TCP10L: variants seen among roughly 807,000 people sequenced by gnomAD.
TCP10L encodes t-complex 10 like.
Under a neutral mutation model 19.2 loss-of-function variants are expected in TCP10L, and 11 were observed. The ratio of observed to expected loss-of-function variants is 0.57; its 90% CI spans 0.36 to 0.95. The LOEUF is 0.95. Among genes scored for constraint, TCP10L ranks in the 40% least tolerant of loss-of-function variants. The probability of loss-of-function intolerance (pLI) is 0.01; values close to 1 mark genes in which losing one functional copy is unlikely to be tolerated. For missense variants in TCP10L, 247 were observed against 263.9 expected, an observed-to-expected ratio of 0.94 and a Z score of 0.44; for synonymous variants, 96 against 97.2, an observed-to-expected ratio of 0.99 and a Z score of 0.07.
intron 3 of TCP10L, among the ~76,000 whole-genome samples, chr21:32,580,475 C>CGTGTGTGT (rs1469541940): frequency 2.6e-5 from 2 of 77,844 alleles, no homozygotes; most frequent in African/African-American, 1.4e-4. Flanking sequence ...TCGGTGGGTG[C>CGTGTGTGT]CTGTGTGTGT....
Position 32,582,148 on chromosome 21 carries a change from G to C in TCP10L, c.360+52C>G. On this transcript the variant is annotated intron_variant, in intron 3 of 4. Coordinates refer to ENST00000300258, the MANE Select transcript of TCP10L (RefSeq NM_144659.7). The surrounding 1 kb of genome is among the most constrained non-coding windows in gnomAD (Gnocchi z 4.2). ...ATAAAGCCCACATCTTTATGGGGAC[G>C]CTATTTTTACATAACGCAAACGGTA... 1 of 1,588,244 alleles carries C rather than the reference G, an allele frequency of 6.3e-7. No homozygotes were observed.
chr21:32,583,024 C>CTTTTT lies in TCP10L; in HGVS notation c.145-614_145-610dup, dbSNP rs59972145. Reference sequence around the variant, plus strand: ...GCAAAAAGAGGCTGGCATTCTTTTCCTTTTTTTTTTTTTTTTTTTTTTTTT... The same window carrying CTTTTT: ...GCAAAAAGAGGCTGGCATTCTTTTCCTTTTTTTTTTTTTTTTTTTTTTTTTTTTTT... On this transcript the variant is annotated intron_variant, in intron 2 of 4. Transcript: ENST00000300258. Among the ~76,000 whole-genome samples, 30 of 94,808 alleles carry CTTTTT rather than the reference C, an allele frequency of 3.2e-4. 1 individual carries two copies. The highest frequency in any genetic ancestry group is 1.1e-3 in the South Asian group (3 of 2,778). 62.2% of individuals were successfully genotyped at this position (94,808 alleles called of 152,430 possible). A position where few individuals can be genotyped will look rare whatever the true frequency, so the allele number is the denominator to read the frequency against.
At chr21:32,584,627 A>G (rs1192371851) in intron 1 of TCP10L, among the ~76,000 whole-genome samples, 1 of 151,924 alleles carries the variant, frequency 6.6e-6, no homozygotes, top group African/African-American at 2.4e-5. Flanking sequence ...TGTGAGTGGG[A>G]TGTGAGTGGG....
Position 32,576,559 on chromosome 21 carries a change from C to G in TCP10L, c.*215G>C, listed in dbSNP as rs1007016204. 1.6e-6 allele frequency: 1 copy of G among 623,612 alleles called. No individual in the cohort carries two copies. The highest frequency in any genetic ancestry group is 2.7e-6 in the Non-Finnish European group (1 of 369,244). The allele number at this position is 623,612 out of a possible 1,614,324, so 38.6% of individuals were successfully genotyped here. A position where few individuals can be genotyped will look rare whatever the true frequency, so the allele number is the denominator to read the frequency against. ...AGGAAAGCAACTGATTTATAAAACC[C>G]AATCCAAGTTGTTTGCTTTTATAGC... is the stretch of plus-strand genomic sequence containing the variant. On this transcript the variant is annotated 3_prime_UTR_variant, in exon 5 of 5. Transcript: ENST00000300258.
chr21:32,584,677 C>T (rs1373668061), intron 1 of TCP10L, among the ~76,000 whole-genome samples: 34 of 151,798 alleles, frequency 2.2e-4, no homozygotes, highest in South Asian at 2.1e-4. Context: ...TGGATGTGAG[C>T]GGATGTGAGC....
rs1255493536 is a variant in TCP10L at position 32,574,947 on chromosome 21, C to T, written c.*1827G>A. On this transcript the variant is annotated 3_prime_UTR_variant, in exon 5 of 5. Coordinates refer to ENST00000300258, the MANE Select transcript of TCP10L (RefSeq NM_144659.7). ...ACGGATGGAAAGGCACTGTCTTGGC[C>T]CTGAAGCTGCTCACAGTCCCGCAGC... 6.6e-6 allele frequency: 1 copy of T among 152,144 alleles called. No homozygotes were observed. Among genetic ancestry groups the T allele is most frequent in the African/African-American group, 2.4e-5 (1 of 41,412 alleles). 9.4% of individuals were successfully genotyped at this position (152,144 alleles called of 1,614,324 possible). A position where few individuals can be genotyped will look rare whatever the true frequency, so the allele number is the denominator to read the frequency against.
intron 2 of TCP10L, among the ~76,000 whole-genome samples, chr21:32,583,465 T>A (rs1486146527): frequency 6.7e-6 from 1 of 150,288 alleles, no homozygotes; most frequent in Non-Finnish European, 1.5e-5. Flanking sequence ...GGCGGGCGCC[T>A]GTAGTCCCAG....
At position 32,576,603 on chromosome 21, in the gene TCP10L, G is replaced by A; in HGVS notation, c.*171C>T. 1 of 743,506 alleles carries A rather than the reference G, an allele frequency of 1.3e-6. No homozygotes were observed. The highest frequency in any genetic ancestry group is 2.1e-6 in the Non-Finnish European group (1 of 465,412). The allele number at this position is 743,506 out of a possible 1,614,324, so 46.1% of individuals were successfully genotyped here. On this transcript the variant is annotated 3_prime_UTR_variant, in exon 5 of 5. Transcript: ENST00000300258. ...TTATAGCATTAGAGACATGTCTGAA[G>A]AACTTCAAGTTTTTATCTATAGAAA...
chr21:32,574,922 A>C lies in TCP10L; in HGVS notation c.*1852T>G, dbSNP rs2146520621. 6.6e-6 allele frequency: 1 copy of C among 152,390 alleles called. No individual in the cohort carries two copies. The highest frequency in any genetic ancestry group is 1.9e-4 in the East Asian group (1 of 5,186). 9.4% of individuals were successfully genotyped at this position (152,390 alleles called of 1,614,324 possible). A position where few individuals can be genotyped will look rare whatever the true frequency, so the allele number is the denominator to read the frequency against. On this transcript the variant is annotated 3_prime_UTR_variant, in exon 5 of 5. Coordinates refer to ENST00000300258, the MANE Select transcript of TCP10L (RefSeq NM_144659.7). ...AGTATTCTGATGGATCAGGAGATTCACGGATGGAAAGGCACTGTCTTGGCC... is the reference window on the plus strand; with the variant it reads ...AGTATTCTGATGGATCAGGAGATTCCCGGATGGAAAGGCACTGTCTTGGCC...
At chr21:32,579,702 A>G (rs1030576638) in intron 3 of TCP10L, among the ~76,000 whole-genome samples, 2 of 152,224 alleles carry the variant, frequency 1.3e-5, no homozygotes, top group African/African-American at 4.8e-5. Context: ...GCATGTGAAG[A>G]CTGAATAAGA....
rs1568978726 is a variant in TCP10L at position 32,576,305 on chromosome 21, G to C, written c.*469C>G. 1 of 1,564,576 alleles carries C rather than the reference G, an allele frequency of 6.4e-7. No individual in the cohort carries two copies. Among genetic ancestry groups the C allele is most frequent in the Non-Finnish European group, 8.7e-7 (1 of 1,143,314 alleles). ...CTGCCACTCAAGTTTTGCAGACTTC[G>C]GGAAGATGGATGCATAGCCTGGGGC... is the stretch of plus-strand genomic sequence containing the variant. On this transcript the variant is annotated 3_prime_UTR_variant, in exon 5 of 5. Coordinates refer to ENST00000300258, the MANE Select transcript of TCP10L (RefSeq NM_144659.7).
chr21:32,584,568 T>TAACA (rs1212332116), intron 1 of TCP10L, among the ~76,000 whole-genome samples: 1 of 152,124 alleles, frequency 6.6e-6, no homozygotes, highest in Non-Finnish European at 1.5e-5. Flanking sequence ...GCCTGACACC[T>TAACA]AACACACTCC....
chr21:32,585,181 G>C (rs75806659), intron 1 of TCP10L, among the ~76,000 whole-genome samples: 1 of 152,172 alleles, frequency 6.6e-6, no homozygotes, highest in African/African-American at 2.4e-5. Flanking sequence ...TGATGGAAGC[G>C]AATCGAAGGT....
intron 4 of TCP10L, among the ~76,000 whole-genome samples, chr21:32,577,943 C>G (rs767221729): frequency 3.9e-5 from 6 of 152,160 alleles, no homozygotes; most frequent in African/African-American, 4.8e-5. Flanking sequence ...AAGGGATGGG[C>G]CAAAACAAAG....
Position 32,582,552 on chromosome 21 carries a change from G to T in TCP10L, c.145-137C>A. The T allele has an allele frequency of 1.4e-6, 1 of 706,072 alleles. No individual in the cohort carries two copies. Among genetic ancestry groups the T allele is most frequent in the Non-Finnish European group, 2.3e-6 (1 of 427,410 alleles). The allele number at this position is 706,072 out of a possible 1,614,324, so 43.7% of individuals were successfully genotyped here. A position where few individuals can be genotyped will look rare whatever the true frequency, so the allele number is the denominator to read the frequency against. On this transcript the variant is annotated intron_variant, in intron 2 of 4. Transcript: ENST00000300258. The surrounding 1 kb of genome is among the most constrained non-coding windows in gnomAD (Gnocchi z 4.2). Reference sequence around the variant, plus strand: ...AAAAGACACCCGATGAGATAAACAGGACTACCACAGCCTTTTTCTTTCTTC... The same window carrying T: ...AAAAGACACCCGATGAGATAAACAGTACTACCACAGCCTTTTTCTTTCTTC...
At chr21:32,579,006 G>A (rs186252903) in intron 3 of TCP10L, among the ~76,000 whole-genome samples, 175 bp from the exon 4 acceptor site, 4 of 152,278 alleles carry the variant, frequency 2.6e-5, no homozygotes, top group Admixed American at 2.0e-4. Context: ...CTCACCAAGC[G>A]TTTGTGAAGG....
rs2146524900 is a variant in TCP10L at position 32,578,734 on chromosome 21, A to T, written c.458T>A (p.Leu153Gln). The change falls in exon 4 of 5, where the codon CTG (leucine) becomes CAG (glutamine). Residue 153 changes from leucine (L) to glutamine (Q), a missense_variant. Transcript: ENST00000300258. This position sits in a 1 kb window ranked among gnomAD's most constrained non-coding sequence, Gnocchi z 4.2. The part of the protein sequence containing the change: ...AGHKNQSATL[L>Q]GQRSSSNNSA... ...ATTGTTAGATGACGATCTTTGTCCCAGGAGAGTGGCACTCTGATTCTTGTG... is the reference window on the plus strand; with the variant it reads ...ATTGTTAGATGACGATCTTTGTCCCTGGAGAGTGGCACTCTGATTCTTGTG... 1.9e-6 allele frequency: 3 copies of T among 1,614,204 alleles called. No homozygotes were observed. Among genetic ancestry groups the T allele is most frequent in the Non-Finnish European group, 2.5e-6 (3 of 1,180,044 alleles).
chr21:32,584,839 A>T (rs955378193), intron 1 of TCP10L, among the ~76,000 whole-genome samples: 21 of 152,082 alleles, frequency 1.4e-4, no homozygotes, highest in African/African-American at 5.1e-4. Context: ...CACCGTGTTG[A>T]GTATGTGTCT....
At chr21:32,580,475 C>CGT (rs1469541940) in intron 3 of TCP10L, among the ~76,000 whole-genome samples, 1 of 77,844 alleles carries the variant, frequency 1.3e-5, no homozygotes, top group Non-Finnish European at 2.5e-5. Context: ...TCGGTGGGTG[C>CGT]CTGTGTGTGT....
Sources: gnomAD v4.1 joint callset for allele counts (sites outside exome capture counted in the v4.1 genomes callset) on GRCh38, gnomAD v4.1.1 for gene constraint, Gnocchi (gnomAD v3.1) non-coding constraint, MANE v1.5 for transcripts, NCBI Gene and HGNC (gene_info 2026-07-23, HGNC 2026-07-21) for gene names.